The following ECHDC1 variants were observed in gnomAD, a reference collection of about 807,000 sequenced individuals.
The protein encoded by ECHDC1 is ethylmalonyl-CoA decarboxylase.
ECHDC1 carries 29 observed loss-of-function variants against 29.7 expected under a neutral mutation model. The ratio of observed to expected loss-of-function variants is 0.98; its 90% CI spans 0.73 to 1.33. The LOEUF (loss-of-function observed/expected upper bound fraction) is 1.33, where lower values mean the gene tolerates loss of function less well. Ranked by LOEUF, ECHDC1 falls within the 40% of genes most tolerant of loss-of-function variation. The pLI is 0.00. For synonymous variants in ECHDC1, 126 were observed against 123.1 expected (o/e 1.02, Z -0.15); for missense variants, 328 against 350.0 (o/e 0.94, Z 0.50).
chr6:127,335,308 A>G (rs1784333160), intron 1 of ECHDC1, among the ~76,000 whole-genome samples: 1 of 151,796 alleles, frequency 6.6e-6, no homozygotes, highest in African/African-American at 2.4e-5. Flanking sequence ...AACTTTACCA[A>G]CTAAGGTGGC....
chr6:127,341,168 G>A (rs554796097), intron 1 of ECHDC1, among the ~76,000 whole-genome samples: 17 of 151,846 alleles, frequency 1.1e-4, no homozygotes, highest in African/African-American at 4.1e-4. Context: ...TCCCACTACT[G>A]TCTCTCCTTT....
chr6:127,317,791 A>C (rs1196287481), intron 3 of ECHDC1: 1 of 152,156 alleles, frequency 6.6e-6, no homozygotes, highest in Admixed American at 6.5e-5. Context: ...AATATTTCAA[A>C]TATCAATCCC....
chr6:127,333,188 C>A (rs1348261004), intron 1 of ECHDC1, among the ~76,000 whole-genome samples: 3 of 152,112 alleles, frequency 2.0e-5, no homozygotes, highest in African/African-American at 7.2e-5. Context: ...GGGTAAAGAT[C>A]TTAAGGATCA....
chr6:127,334,802 T>C (rs1784291918), intron 1 of ECHDC1, among the ~76,000 whole-genome samples: 2 of 152,026 alleles, frequency 1.3e-5, no homozygotes, highest in African/African-American at 4.8e-5. Flanking sequence ...ATTCCCCAAG[T>C]AAAGATAATC....
intron 5 of ECHDC1, among the ~76,000 whole-genome samples, chr6:127,309,145 A>G (rs947000628): frequency 2.6e-5 from 4 of 152,194 alleles, no homozygotes; most frequent in Non-Finnish European, 5.9e-5. Flanking sequence ...CAGAATAGCC[A>G]AAACTATGCT....
intron 3 of ECHDC1, among the ~76,000 whole-genome samples, chr6:127,324,738 G>C (rs1783157283): frequency 6.6e-6 from 1 of 152,200 alleles, no homozygotes; most frequent in Non-Finnish European, 1.5e-5. Context: ...AAGAAGACAG[G>C]ACTTTGGGTC....
At chr6:127,330,628 TAA>T (rs758462533) in intron 2 of ECHDC1, among the ~76,000 whole-genome samples, 179 bp downstream of exon 2, 1 of 152,218 alleles carries the variant, frequency 6.6e-6, no homozygotes, top group Non-Finnish European at 1.5e-5. Flanking sequence ...CCATAATCAT[TAA>T]AAGTTACTTA....
intron 3 of ECHDC1, among the ~76,000 whole-genome samples, chr6:127,316,722 T>C (rs992638964): frequency 7.2e-5 from 11 of 152,038 alleles, no homozygotes; most frequent in Non-Finnish European, 1.3e-4. Flanking sequence ...CATGAGGTAT[T>C]AGCAAAGATG....
chr6:127,291,207 C>T (rs968672817), intron 5 of ECHDC1, among the ~76,000 whole-genome samples: 5 of 150,210 alleles, frequency 3.3e-5, no homozygotes, highest in South Asian at 2.1e-4. Flanking sequence ...TAACATCTGA[C>T]ATTTTACAAG....
chr6:127,339,786 A>G (rs1784758682), intron 1 of ECHDC1, among the ~76,000 whole-genome samples: 2 of 151,350 alleles, frequency 1.3e-5, no homozygotes, highest in Non-Finnish European at 2.9e-5. Context: ...AAAAAAAAAA[A>G]AAAGAAAGAA....
chr6:127,331,155 T>C (rs536758438), intron 1 of ECHDC1, 125 bp from the exon 2 acceptor site: 3 of 641,872 alleles, frequency 4.7e-6, no homozygotes, highest in African/African-American at 1.8e-5. Context: ...CCATTTCTTT[T>C]TTTTTTTTTT....
At chr6:127,307,103 G>C (rs1320935286) in intron 5 of ECHDC1, among the ~76,000 whole-genome samples, 1 of 151,988 alleles carries the variant, frequency 6.6e-6, no homozygotes, top group Non-Finnish European at 1.5e-5. Context: ...GAAGGAAACT[G>C]AAAATTCTCT....
intron 1 of ECHDC1, chr6:127,342,207 A>G (rs1444777320): frequency 6.9e-6 from 5 of 721,730 alleles, no homozygotes; most frequent in East Asian, 2.9e-5. Context: ...TGCTGTAATT[A>G]GTTTTTTAAC....
intron 5 of ECHDC1, among the ~76,000 whole-genome samples, chr6:127,293,366 T>C (rs1342043053): frequency 6.6e-6 from 1 of 152,108 alleles, no homozygotes; most frequent in Non-Finnish European, 1.5e-5. Flanking sequence ...AATAATTGAA[T>C]TGGAAGAGTG....
intron 5 of ECHDC1, among the ~76,000 whole-genome samples, chr6:127,312,078 TG>T (rs1161748621): frequency 6.6e-6 from 1 of 151,982 alleles, no homozygotes; most frequent in Admixed American, 6.6e-5. Flanking sequence ...ACTCACAGGC[TG>T]GGAGAAAGTA....
At position 127,293,655 on chromosome 6, in the gene ECHDC1, A is replaced by G. The variant is rs143186207; in HGVS notation, c.498-3378T>C. ...TAAAAAATTGTGTGAAATTGCCTCA[A>G]ACACATCTACAAGAGAATACAGTAT... On this transcript the variant is annotated intron_variant, in intron 5 of 5. Transcript: ENST00000454859. Among the ~76,000 whole-genome samples the G allele has an allele frequency of 4.6e-5, 7 of 152,282 alleles. No individual in the cohort carries two copies. The East Asian group carries it at 5.8e-4, about 13-fold the overall frequency.
intron 1 of ECHDC1, among the ~76,000 whole-genome samples, chr6:127,332,941 T>C (rs1307951346): frequency 3.9e-5 from 6 of 152,160 alleles, no homozygotes; most frequent in Non-Finnish European, 8.8e-5. Context: ...TATAGGTATA[T>C]GCCAACATGC....
intron 3 of ECHDC1, among the ~76,000 whole-genome samples, chr6:127,323,849 C>T (rs1783059609): frequency 6.6e-6 from 1 of 151,964 alleles, no homozygotes; most frequent in Admixed American, 6.6e-5. Context: ...GGGGAAGGAG[C>T]ACTGAATTCA....
At chr6:127,315,877 A>G (rs1782325645) in intron 4 of ECHDC1, 3 of 445,268 alleles carry the variant, frequency 6.7e-6, no homozygotes, top group Non-Finnish European at 1.4e-5. Context: ...TACATTCGGA[A>G]TGTGAAAGTA....
Sources: allele counts gnomAD v4.1 joint callset (sites outside exome capture counted in the v4.1 genomes callset), GRCh38; gene constraint gnomAD v4.1.1; transcripts MANE v1.5; gene names NCBI Gene and HGNC (gene_info 2026-07-23, HGNC 2026-07-21).